TENM2: variants seen among roughly 807,000 people sequenced by gnomAD.
TENM2 encodes the protein teneurin transmembrane protein 2, also known as teneurin-2.
In TENM2, 52 loss-of-function variants were observed where a neutral mutation model predicts 245.2. The observed-to-expected ratio is 0.21, with a 90% CI of 0.17 to 0.27. The LOEUF (loss-of-function observed/expected upper bound fraction) is 0.27, where lower values mean the gene tolerates loss of function less well. Among genes scored for constraint, TENM2 ranks in the 10% least tolerant of loss-of-function variants. The pLI, the probability that TENM2 is intolerant of heterozygous loss-of-function variation, is 1.00. For missense variants in TENM2, 3,046 were observed against 3,666.8 expected, an observed-to-expected ratio of 0.83 and a Z score of 4.37; for synonymous variants, 1,363 against 1,438.9, an observed-to-expected ratio of 0.95 and a Z score of 1.19.
chr5:167,464,001 T>G (rs1766489793), intron 2 of TENM2, among the ~76,000 whole-genome samples: 1 of 151,960 alleles, frequency 6.6e-6, no homozygotes, highest in Non-Finnish European at 1.5e-5. Flanking sequence ...AAATCTTAGG[T>G]GGGAGGATGA....
chr5:167,926,718 CCACA>C (rs750351497), intron 3 of TENM2, among the ~76,000 whole-genome samples: 8,956 of 136,652 alleles, frequency 0.066, 428 homozygotes, highest in African/African-American at 0.14. Context: ...TGAGATTCCA[CCACA>C]CACACACACA....
intron 7 of TENM2, among the ~76,000 whole-genome samples, chr5:168,071,568 A>G (rs893332552): frequency 1.3e-5 from 2 of 152,128 alleles, no homozygotes; most frequent in Admixed American, 6.6e-5. Context: ...AAGTCTGAAT[A>G]TTTTTCTATA....
In TENM2 at chr5:167,930,606, C is replaced by T. The variant is rs534641941; in HGVS notation, c.713-21982C>T. 3.2e-4 allele frequency among the ~76,000 whole-genome samples: 48 copies of T among 152,018 alleles called. 1 individual carries two copies. The highest frequency in any genetic ancestry group is 6.0e-4 in the Non-Finnish European group (41 of 68,000). ...CCTCCCACCTCAGCCTCCTGAATAG[C>T]TAGGACTACAGGTGCATGCCACTAT... On this transcript the variant is annotated intron_variant, in intron 3 of 28. Transcript: ENST00000518659.
At chr5:167,620,189 T>TGG (rs1295222969) in intron 2 of TENM2, among the ~76,000 whole-genome samples, 1 of 152,074 alleles carries the variant, frequency 6.6e-6, no homozygotes, top group African/African-American at 2.4e-5. Flanking sequence ...GATCTGACAA[T>TGG]GGTACATGCA....
chr5:167,356,982 C>T (rs1759375713), intron 1 of TENM2, among the ~76,000 whole-genome samples: 1 of 152,064 alleles, frequency 6.6e-6, no homozygotes, highest in South Asian at 2.1e-4. Context: ...CCGTGGGTGC[C>T]TGAAAGTATT....
At chr5:167,338,451 C>T (rs1757906464) in intron 1 of TENM2, among the ~76,000 whole-genome samples, 1 of 152,144 alleles carries the variant, frequency 6.6e-6, no homozygotes, top group Admixed American at 6.5e-5. Context: ...ACCATCTGGG[C>T]CACTACAAGT....
At chr5:168,201,917 CT>C (rs1761972977) in intron 17 of TENM2, among the ~76,000 whole-genome samples, 1 of 152,180 alleles carries the variant, frequency 6.6e-6, no homozygotes, top group African/African-American at 2.4e-5. Context: ...TGGCCTGTTC[CT>C]CTGTTCCCTA....
intron 2 of TENM2, among the ~76,000 whole-genome samples, chr5:167,556,601 C>A (rs1206361046): frequency 3.9e-5 from 6 of 152,014 alleles, no homozygotes; most frequent in Non-Finnish European, 7.4e-5. Flanking sequence ...CAAATATTTC[C>A]TTTTGTTGCT....
intron 27 of TENM2, among the ~76,000 whole-genome samples, chr5:168,259,279 GT>G (rs1277861894): frequency 1.3e-5 from 2 of 151,362 alleles, no homozygotes; most frequent in African/African-American, 4.9e-5. Context: ...CCCTTTCTTG[GT>G]TTCTCTTTAA....
At chr5:167,164,023 G>A in the TENM2 span, among the ~76,000 whole-genome samples, 1 of 152,154 alleles carries the variant, frequency 6.6e-6, no homozygotes, top group Non-Finnish European at 1.5e-5. Flanking sequence ...TAGTGCGTGA[G>A]TGCAATTGCA....
At chr5:167,690,100 ACTTTTT>A (rs1351610134) in intron 2 of TENM2, among the ~76,000 whole-genome samples, 1 of 99,556 alleles carries the variant, frequency 1.0e-5, no homozygotes, top group Non-Finnish European at 2.0e-5. Context: ...AAAAAAACAC[ACTTTTT>A]TTTTTTTTTT....
At chr5:167,677,989 A>G (rs1272686180) in intron 2 of TENM2, among the ~76,000 whole-genome samples, 1 of 151,998 alleles carries the variant, frequency 6.6e-6, no homozygotes, top group South Asian at 2.1e-4. Flanking sequence ...TGCTAAAATC[A>G]TGATATAGAA....
At chr5:168,173,902 T>C (rs2152475363) in intron 13 of TENM2, among the ~76,000 whole-genome samples, 1 of 152,102 alleles carries the variant, frequency 6.6e-6, no homozygotes, top group East Asian at 1.9e-4. Context: ...GGGAAAAGCA[T>C]TGTGAACGAA....
chr5:168,253,517 A>C (rs6894773), intron 27 of TENM2, among the ~76,000 whole-genome samples: 3,761 of 147,370 alleles, frequency 0.026, 174 homozygotes, highest in African/African-American at 0.089. Flanking sequence ...GCTCCGCCTC[A>C]CGGGTTCACA....
At chr5:167,261,424 A>G in the TENM2 span, among the ~76,000 whole-genome samples, 1 of 152,134 alleles carries the variant, frequency 6.6e-6, no homozygotes, top group Non-Finnish European at 1.5e-5. Context: ...CATGCACATA[A>G]AACTTTTAAC....
intron 2 of TENM2, among the ~76,000 whole-genome samples, chr5:167,643,179 T>A (rs1267504026): frequency 6.6e-6 from 1 of 152,242 alleles, no homozygotes; most frequent in Non-Finnish European, 1.5e-5. Flanking sequence ...TTGGTAACTT[T>A]ACTGAAATGC....
At chr5:167,331,359 T>C (rs1757453142) in intron 1 of TENM2, among the ~76,000 whole-genome samples, 1 of 152,108 alleles carries the variant, frequency 6.6e-6, no homozygotes, top group African/African-American at 2.4e-5. Context: ...CAAAAATTAA[T>C]GGCTAAATCT....
At chr5:167,478,075 C>A (rs1767511163) in intron 2 of TENM2, among the ~76,000 whole-genome samples, 1 of 152,172 alleles carries the variant, frequency 6.6e-6, no homozygotes. Flanking sequence ...TTCACATGCA[C>A]TCAAACTGGG....
In TENM2 at chr5:167,695,830, C is replaced by T. The variant is rs1582774940; in HGVS notation, c.503-180156C>T. 3.3e-5 allele frequency among the ~76,000 whole-genome samples: 5 copies of T among 151,306 alleles called. No individual in the cohort carries two copies. In the South Asian group the frequency reaches 1.0e-3, roughly 32 times the overall value. The stretch of plus-strand genomic sequence containing the variant: ...TGGGCGGATCACGAGGTCAGGAGAT[C>T]GAGACCATCCTGGCTAACATGATGA... On this transcript the variant is annotated intron_variant, in intron 2 of 28. Coordinates refer to ENST00000518659, the Ensembl canonical transcript of TENM2.
Sources: allele counts gnomAD v4.1 joint callset (sites outside exome capture counted in the v4.1 genomes callset), GRCh38; gene constraint gnomAD v4.1.1; transcripts MANE v1.5; gene names NCBI Gene and HGNC (gene_info 2026-07-23, HGNC 2026-07-21).